The following SAMD4A variants were observed in gnomAD, a reference collection of about 807,000 sequenced individuals.
SAMD4A encodes protein Smaug homolog 1.
In SAMD4A, 33 loss-of-function variants were observed where a neutral mutation model predicts 81.3. The ratio of observed to expected loss-of-function variants is 0.41; its 90% CI spans 0.31 to 0.54. The LOEUF (loss-of-function observed/expected upper bound fraction) is 0.54, where lower values mean the gene tolerates loss of function less well. Among genes scored for constraint, SAMD4A ranks in the 20% least tolerant of loss-of-function variants. The pLI is 0.37. For missense variants in SAMD4A, 854 were observed against 951.1 expected (o/e 0.90, Z 1.34); for synonymous variants, 389 against 382.1 (o/e 1.02, Z -0.21).
intron 3 of SAMD4A, among the ~76,000 whole-genome samples, chr14:54,718,387 C>G (rs187077404): frequency 1.1e-4 from 17 of 152,346 alleles, no homozygotes; most frequent in African/African-American, 3.8e-4. Flanking sequence ...ATGTTCCTCT[C>G]CTTAACCAGG....
At chr14:54,658,490 A>G (rs922554740) in intron 2 of SAMD4A, among the ~76,000 whole-genome samples, 1 of 152,028 alleles carries the variant, frequency 6.6e-6, no homozygotes, top group Non-Finnish European at 1.5e-5. Context: ...TTCTGAACAA[A>G]TGACCACTGA....
chr14:54,628,697 T>G lies in SAMD4A; in HGVS notation c.196+60585T>G, dbSNP rs568934680. 7.7e-4 allele frequency among the ~76,000 whole-genome samples: 118 copies of G among 152,308 alleles called. 1 individual carries two copies. The highest frequency in any genetic ancestry group is 2.7e-3 in the African/African-American group (113 of 41,570). On this transcript the variant is annotated intron_variant, in intron 2 of 12. Transcript: ENST00000554335. ...CTCATTTAATCCTCCTAACAACCGT[T>G]TGACCTATGTGCTGCTATTTTACAG...
intron 7 of SAMD4A, among the ~76,000 whole-genome samples, chr14:54,763,961 A>T (rs569340236): frequency 6.6e-6 from 1 of 152,128 alleles, no homozygotes; most frequent in South Asian, 2.1e-4. Context: ...CCTCCTGCAC[A>T]TGTGCACACC....
At chr14:54,744,129 C>T (rs1171159623) in intron 4 of SAMD4A, among the ~76,000 whole-genome samples, 2 of 152,196 alleles carry the variant, frequency 1.3e-5, no homozygotes, top group Non-Finnish European at 2.9e-5. Flanking sequence ...ACCACCCCTA[C>T]GTGAGCCCTT....
chr14:54,594,942 T>C (rs934159969), intron 2 of SAMD4A, among the ~76,000 whole-genome samples: 4 of 152,244 alleles, frequency 2.6e-5, no homozygotes, highest in African/African-American at 9.6e-5. Flanking sequence ...TGATTAATTA[T>C]ATTGCTACCC....
At chr14:54,611,326 G>A (rs923519225) in intron 2 of SAMD4A, among the ~76,000 whole-genome samples, 6 of 152,196 alleles carry the variant, frequency 3.9e-5, no homozygotes, top group Admixed American at 2.0e-4. Context: ...TTGACAGAGC[G>A]CTTCATTCTG....
At position 54,791,982 on chromosome 14, in the gene SAMD4A, G is replaced by A. The variant is rs114833731; in HGVS notation, c.*3038G>A. 1 of 152,156 alleles carries A rather than the reference G, an allele frequency of 6.6e-6. No homozygotes were observed. The highest frequency in any genetic ancestry group is 2.4e-5 in the African/African-American group (1 of 41,420). The allele number at this position is 152,156 out of a possible 1,614,324, so 9.4% of individuals were successfully genotyped here. On this transcript the variant is annotated 3_prime_UTR_variant, in exon 13 of 13. Coordinates refer to ENST00000554335, the MANE Select transcript of SAMD4A (RefSeq NM_015589.6). The stretch of plus-strand genomic sequence containing the variant: ...TTCCCCCCTTGTTCTGATTTAAGCA[G>A]TGTGTACTTGGCATCTCTACATTGT...
intron 2 of SAMD4A, among the ~76,000 whole-genome samples, chr14:54,651,079 A>T (rs2035393247): frequency 6.6e-6 from 1 of 152,184 alleles, no homozygotes; most frequent in Non-Finnish European, 1.5e-5. Flanking sequence ...CATGGTTTAG[A>T]TGCCCTGGTG....
At chr14:54,773,750 C>G (rs2038765450) in intron 9 of SAMD4A, among the ~76,000 whole-genome samples, 1 of 152,240 alleles carries the variant, frequency 6.6e-6, no homozygotes, top group African/African-American at 2.4e-5. Flanking sequence ...AACATCATCT[C>G]CGACCTTATA....
intron 4 of SAMD4A, among the ~76,000 whole-genome samples, chr14:54,747,777 C>A (rs1281400519): frequency 6.6e-6 from 1 of 152,196 alleles, no homozygotes; most frequent in Non-Finnish European, 1.5e-5. Flanking sequence ...TCACCACACA[C>A]TTGCTCTGTG....
At chr14:54,575,063 T>C (rs578174277) in intron 2 of SAMD4A, among the ~76,000 whole-genome samples, 1 of 152,284 alleles carries the variant, frequency 6.6e-6, no homozygotes, top group East Asian at 1.9e-4. Context: ...CGGCTATGTG[T>C]CAGAAGATTT....
chr14:54,663,399 A>T (rs1453017470), intron 2 of SAMD4A, among the ~76,000 whole-genome samples: 1 of 152,212 alleles, frequency 6.6e-6, no homozygotes, highest in Non-Finnish European at 1.5e-5. Context: ...CTGATTTTTC[A>T]ACCCAGCCTG....
chr14:54,732,320 A>G (rs2037577987), intron 3 of SAMD4A, among the ~76,000 whole-genome samples: 1 of 152,160 alleles, frequency 6.6e-6, no homozygotes, highest in Admixed American at 6.5e-5. Context: ...TATGTAGAAA[A>G]GTCATCCATG....
intron 2 of SAMD4A, among the ~76,000 whole-genome samples, chr14:54,626,989 G>C (rs2034779438): frequency 6.6e-6 from 1 of 151,982 alleles, no homozygotes; most frequent in Non-Finnish European, 1.5e-5. Context: ...CTTGCTTCAG[G>C]GTTTTTCTCC....
intron 2 of SAMD4A, among the ~76,000 whole-genome samples, chr14:54,608,681 A>G (rs1362891244): frequency 6.6e-6 from 1 of 152,232 alleles, no homozygotes; most frequent in Non-Finnish European, 1.5e-5. Context: ...TTTTGCATTT[A>G]CACTAGCTGG....
chr14:54,751,311 C>T lies in SAMD4A; in HGVS notation c.1090-140C>T. 8.2e-6 allele frequency: 5 copies of T among 606,646 alleles called. No homozygotes were observed. In the Admixed American group the frequency reaches 1.3e-4, roughly 16 times the overall value. The allele number at this position is 606,646 out of a possible 1,614,324, so 37.6% of individuals were successfully genotyped here. On this transcript the variant is annotated intron_variant, in intron 5 of 12. Coordinates refer to ENST00000554335, the MANE Select transcript of SAMD4A (RefSeq NM_015589.6). ...AGGTTTATGATGATGGGTACTAATG[C>T]AAGAGATAAGTGGATATTGATCAGC...
chr14:54,764,323 T>G, intron 7 of SAMD4A, 132 bp from the exon 8 acceptor site: 1 of 670,302 alleles, frequency 1.5e-6, no homozygotes, highest in Non-Finnish European at 2.6e-6. Context: ...CTTGGCCTTT[T>G]TTGTGAGCCT....
intron 2 of SAMD4A, among the ~76,000 whole-genome samples, chr14:54,601,528 C>T (rs954655748): frequency 6.6e-6 from 1 of 152,152 alleles, no homozygotes; most frequent in Non-Finnish European, 1.5e-5. Context: ...AAGAATGAGT[C>T]TCAACAGAAA....
intron 2 of SAMD4A, among the ~76,000 whole-genome samples, chr14:54,668,000 G>T (rs1216068640): frequency 2.0e-5 from 3 of 152,078 alleles, no homozygotes; most frequent in Non-Finnish European, 4.4e-5. Flanking sequence ...TCTCCACCCC[G>T]GCCCTCCCGC....
Sources: gnomAD v4.1 joint callset for allele counts (sites outside exome capture counted in the v4.1 genomes callset) on GRCh38, gnomAD v4.1.1 for gene constraint, MANE v1.5 for transcripts, NCBI Gene and HGNC (gene_info 2026-07-23, HGNC 2026-07-21) for gene names.